Variants in TRAK1 observed in about 807,000 individuals in gnomAD.
The protein encoded by TRAK1 is trafficking kinesin-binding protein 1.
A neutral mutation model predicts 92.1 loss-of-function variants in TRAK1; 33 were observed. The observed-to-expected ratio is 0.36, with a 90% confidence interval of 0.27 to 0.48. The LOEUF (loss-of-function observed/expected upper bound fraction) is 0.48, where lower values mean the gene tolerates loss of function less well. TRAK1 is among the 20% of genes least tolerant of loss of function. TRAK1 has a pLI of 0.99. For missense variants in TRAK1, 1,123 were observed against 1,257.9 expected, an observed-to-expected ratio of 0.89 and a Z score of 1.62; for synonymous variants, 521 against 517.3, an observed-to-expected ratio of 1.01 and a Z score of -0.10.
intron 3 of TRAK1, among the ~76,000 whole-genome samples, chr3:42,179,135 G>T (rs998216607): frequency 1.3e-5 from 2 of 152,146 alleles, no homozygotes; most frequent in Non-Finnish European, 1.5e-5. Context: ...TTTTTAAAGG[G>T]TCTTCATGGC....
chr3:42,045,654 T>C (rs1012289291), intron 1 of TRAK1, among the ~76,000 whole-genome samples: 3 of 152,240 alleles, frequency 2.0e-5, no homozygotes, highest in African/African-American at 7.2e-5. Flanking sequence ...CTCTGGCTGC[T>C]GAGTACACCT....
At chr3:42,019,609 A>AT (rs917171622) in intron 1 of TRAK1, among the ~76,000 whole-genome samples, 1 of 151,834 alleles carries the variant, frequency 6.6e-6, no homozygotes, top group African/African-American at 2.4e-5. Context: ...GTGGGTCTGG[A>AT]TTTTTTTTAT....
At chr3:42,112,193 G>A (rs1708517845) in intron 1 of TRAK1, among the ~76,000 whole-genome samples, 1 of 132,660 alleles carries the variant, frequency 7.5e-6, no homozygotes. Context: ...CCAGGCTGGA[G>A]TGCAATGGCG....
chr3:42,217,130 C>A (rs2149533795), intron 14 of TRAK1: 103 of 195,226 alleles, frequency 5.3e-4, no homozygotes, highest in Non-Finnish European at 8.0e-4. Context: ...AACTTGCTCT[C>A]TTCCTGCACC....
At chr3:42,208,286 T>C (rs747206332) in intron 13 of TRAK1, among the ~76,000 whole-genome samples, 2 of 152,246 alleles carry the variant, frequency 1.3e-5, no homozygotes, top group African/African-American at 4.8e-5. Context: ...CTGGGAACTC[T>C]TTAAACATGT....
chr3:42,221,071 C>CTT (rs369421571), intron 15 of TRAK1, among the ~76,000 whole-genome samples: 7,789 of 85,108 alleles, frequency 0.092, 437 homozygotes, highest in African/African-American at 0.21. Flanking sequence ...AGAGAAGGCT[C>CTT]TTTTTTTTTT....
chr3:42,062,102 G>A (rs1703470905), intron 1 of TRAK1, among the ~76,000 whole-genome samples: 1 of 152,198 alleles, frequency 6.6e-6, no homozygotes, highest in South Asian at 2.1e-4. Flanking sequence ...ATGTGTGGCA[G>A]GAATCCTACA....
intron 1 of TRAK1, among the ~76,000 whole-genome samples, chr3:42,107,289 G>A (rs945149995): frequency 1.3e-5 from 2 of 152,210 alleles, no homozygotes; most frequent in Non-Finnish European, 1.5e-5. Context: ...GCCAAGGCGG[G>A]CGGATCATGA....
At chr3:42,186,096 C>T (rs922168433) in intron 4 of TRAK1, among the ~76,000 whole-genome samples, 3 of 151,350 alleles carry the variant, frequency 2.0e-5, no homozygotes, top group Middle Eastern at 3.4e-3. Flanking sequence ...GATCCTCCCA[C>T]CTCAGCCTCC....
intron 11 of TRAK1, among the ~76,000 whole-genome samples, 190 bp from the exon 12 acceptor site, chr3:42,200,628 T>G (rs1053316661): frequency 1.3e-4 from 20 of 152,144 alleles, no homozygotes; most frequent in Non-Finnish European, 2.6e-4. Context: ...GTGTTGAATC[T>G]CTCAAATTTC....
intron 2 of TRAK1, chr3:42,146,237 G>T: frequency 3.3e-6 from 1 of 304,636 alleles, no homozygotes. Flanking sequence ...AATAGCTGAT[G>T]TCCTTGTTCT....
chr3:42,223,387 G>A lies in TRAK1; in HGVS notation c.2512G>A (p.Val838Ile), dbSNP rs200189533. 9.4e-5 allele frequency: 151 copies of A among 1,614,088 alleles called. No individual in the cohort carries two copies. The highest frequency in any genetic ancestry group is 1.6e-4 in the Middle Eastern group (1 of 6,084). The change falls in exon 16 of 16, where the codon GTC (valine) becomes ATC (isoleucine). Residue 838 changes from valine to isoleucine, a missense_variant. Val to Ile is a conservative substitution (Grantham distance 29, BLOSUM62 3). Around this residue, in one of 3 missense-constraint regions of TRAK1, gnomAD observed 401 missense variants for 438.9 expected, o/e 0.91. Coordinates refer to ENST00000327628, the MANE Select transcript of TRAK1 (RefSeq NM_001042646.3). This position sits in a 1 kb window ranked among gnomAD's most constrained non-coding sequence, Gnocchi z 6.1. ...CAGCGAGAGCCAGACCGACGTGTCC[G>A]TCTCCAACCTCAACCTCGTGGACAA... ...RSSESQTDVSVSNLNLVDKVR... is the reference protein window; with the variant it reads ...RSSESQTDVSISNLNLVDKVR...
chr3:42,132,694 T>G (rs896752756), intron 2 of TRAK1, among the ~76,000 whole-genome samples: 1 of 152,184 alleles, frequency 6.6e-6, no homozygotes, highest in African/African-American at 2.4e-5. Context: ...TAATTGATCC[T>G]CAGGTGACTG....
intron 1 of TRAK1, among the ~76,000 whole-genome samples, chr3:42,120,172 T>TA (rs1709667311): frequency 6.6e-6 from 1 of 152,034 alleles, no homozygotes; most frequent in Admixed American, 6.6e-5. Flanking sequence ...AGCCTCTCCT[T>TA]ATGGTTGAGC....
In TRAK1 at chr3:42,091,672, G is replaced by A. The variant is rs1019738239; in HGVS notation, c.91+112G>A. 1.7e-5 allele frequency: 17 copies of A among 990,826 alleles called. 1 individual carries two copies. In the African/African-American group the frequency reaches 2.3e-4, roughly 14 times the overall value. The allele number at this position is 990,826 out of a possible 1,614,324, so 61.4% of individuals were successfully genotyped here. ...TCTCTTGCTCCGTGCTGCTTGGGAGGTTGTTCATGGTCATGTGGTAGAGAA... is the reference window on the plus strand; with the variant it reads ...TCTCTTGCTCCGTGCTGCTTGGGAGATTGTTCATGGTCATGTGGTAGAGAA... On this transcript the variant is annotated intron_variant, in intron 1 of 15. Transcript: ENST00000327628.
intron 4 of TRAK1, among the ~76,000 whole-genome samples, chr3:42,187,504 G>C (rs1030142504): frequency 1.3e-5 from 2 of 151,928 alleles, no homozygotes; most frequent in African/African-American, 4.8e-5. Context: ...GTTTTGCTCT[G>C]TTGCCCAGGC....
chr3:42,167,188 G>A (rs960629006), intron 2 of TRAK1, among the ~76,000 whole-genome samples: 1 of 152,218 alleles, frequency 6.6e-6, no homozygotes, highest in Non-Finnish European at 1.5e-5. Context: ...CTCATCTTGA[G>A]GGCATGCACT....
At position 42,209,867 on chromosome 3, in the gene TRAK1, G is replaced by C; in HGVS notation, c.1845G>C (p.Leu615=). The change falls in exon 14 of 16, where the codon CTG becomes CTC. Residue 615 remains leucine (L), a synonymous_variant. Transcript: ENST00000327628. ...PGVVTKGFRT[L]DVDLDEVYCL... The stretch of plus-strand genomic sequence containing the variant: ...TGGTCACCAAGGGCTTCCGGACGCT[G>C]GATGTTGACCTGGACGAAGTGTACT... 1 of 1,614,220 alleles carries C rather than the reference G, an allele frequency of 6.2e-7. No homozygotes were observed. Among genetic ancestry groups the C allele is most frequent in the Non-Finnish European group, 8.5e-7 (1 of 1,180,038 alleles).
chr3:42,029,615 T>A (rs2148889903), intron 1 of TRAK1, among the ~76,000 whole-genome samples: 1 of 151,288 alleles, frequency 6.6e-6, no homozygotes, highest in South Asian at 2.1e-4. Flanking sequence ...TGTGGTGTGA[T>A]CTTAGCTCAC....
Sources: gnomAD v4.1 joint callset for allele counts (sites outside exome capture counted in the v4.1 genomes callset) on GRCh38, gnomAD v4.1.1 for gene constraint, gnomAD v4.1.1 regional missense constraint, Gnocchi (gnomAD v3.1) non-coding constraint, MANE v1.5 for transcripts, NCBI Gene and HGNC (gene_info 2026-07-23, HGNC 2026-07-21) for gene names.